Variants in PWP1 observed in about 807,000 individuals in gnomAD.
PWP1 encodes PWP1 homolog, endonuclein, also known as periodic tryptophan protein 1 homolog.
Under a neutral mutation model 69.9 loss-of-function variants are expected in PWP1, and 47 were observed. That is an observed-to-expected ratio of 0.67 (90% CI 0.53 to 0.86). PWP1 has a LOEUF of 0.86. Among genes scored for constraint, PWP1 ranks in the 40% least tolerant of loss-of-function variants. The pLI, the probability that PWP1 is intolerant of heterozygous loss-of-function variation, is 0.00. For synonymous variants in PWP1, 222 were observed against 208.2 expected, an observed-to-expected ratio of 1.07 and a Z score of -0.57; for missense variants, 551 against 608.8, an observed-to-expected ratio of 0.91 and a Z score of 1.00.
At chr12:107,699,333 G>A (rs1566079755) in intron 7 of PWP1, 40 bp from the exon 8 acceptor site, 1 of 1,429,852 alleles carries the variant, frequency 7.0e-7, no homozygotes, top group Non-Finnish European at 9.8e-7. Context: ...TATTATGAGG[G>A]GGACTTTAAT....
At position 107,688,750 on chromosome 12, in the gene PWP1, T is replaced by C; in HGVS notation, c.267T>C (p.Asp89=). Residue 89 remains aspartate, a synonymous_variant, in exon 3 of 15, where the codon GAT becomes GAC. Coordinates refer to ENST00000412830, the MANE Select transcript of PWP1 (RefSeq NM_007062.3). ...CAGAGGATGACAGGACGCTTGATGA[T>C]GATGAGCTGGCTGAGTACGACTTAG... The part of the protein sequence containing the change: ...GDPEDDRTLD[D]DELAEYDLDK... 3 of 1,614,172 alleles carry C rather than the reference T, an allele frequency of 1.9e-6. No individual in the cohort carries two copies. Among genetic ancestry groups the C allele is most frequent in the Non-Finnish European group, 2.5e-6 (3 of 1,180,026 alleles).
chr12:107,711,500 C>G (rs1889951730), intron 14 of PWP1, among the ~76,000 whole-genome samples: 1 of 152,164 alleles, frequency 6.6e-6, no homozygotes, highest in Admixed American at 6.5e-5. Flanking sequence ...CCCTCTCCCC[C>G]ACAGTTACCA....
In PWP1 at chr12:107,712,290, C is replaced by A. The variant is rs969221432; in HGVS notation, c.*70C>A. On this transcript the variant is annotated 3_prime_UTR_variant, in exon 15 of 15. Transcript: ENST00000412830. ...AAAGTTGGCCTAAAAATGTTCCATG[C>A]GTGGCAGCAACCATGCAGAGTGACT... 4.3e-6 allele frequency: 5 copies of A among 1,173,054 alleles called. No individual in the cohort carries two copies. The highest frequency in any genetic ancestry group is 1.5e-5 in the African/African-American group (1 of 65,906). The allele number at this position is 1,173,054 out of a possible 1,614,324, so 72.7% of individuals were successfully genotyped here. A position where few individuals can be genotyped will look rare whatever the true frequency, so the allele number is the denominator to read the frequency against.
intron 8 of PWP1, among the ~76,000 whole-genome samples, chr12:107,701,807 A>G (rs1368602349): frequency 6.6e-6 from 1 of 152,128 alleles, no homozygotes; most frequent in Non-Finnish European, 1.5e-5. Flanking sequence ...CCTCCTGAGT[A>G]GCTGGGATTA....
intron 11 of PWP1, among the ~76,000 whole-genome samples, chr12:107,707,306 T>C (rs1046564232): frequency 3.3e-5 from 5 of 152,134 alleles, no homozygotes; most frequent in African/African-American, 9.7e-5. Flanking sequence ...GCTGAGACAA[T>C]GGGGTTTTCT....
chr12:107,702,994 G>C lies in PWP1; in HGVS notation c.866G>C (p.Gly289Ala), dbSNP rs138384840. ...GTAATTCTGTGGGATATGTCCTTGG[G>C]GAAACCAGCAGCTAGCCTCGCTGTA... ...NTVILWDMSLGKPAASLAVHT... is the reference protein window; with the variant it reads ...NTVILWDMSLAKPAASLAVHT... Residue 289 changes from glycine to alanine, a missense_variant, in exon 9 of 15, where the codon GGG becomes GCG. By Grantham distance (60) the Gly-to-Ala change is moderately conservative. Coordinates refer to ENST00000412830, the MANE Select transcript of PWP1 (RefSeq NM_007062.3). The C allele has an allele frequency of 6.2e-7, 1 of 1,611,530 alleles. No homozygotes were observed. The highest frequency in any genetic ancestry group is 1.3e-5 in the African/African-American group (1 of 74,830).
At chr12:107,696,291 C>A (rs1191617252) in intron 5 of PWP1, among the ~76,000 whole-genome samples, 183 bp from the exon 6 acceptor site, 1 of 152,042 alleles carries the variant, frequency 6.6e-6, no homozygotes, top group African/African-American at 2.4e-5. Flanking sequence ...CCTTGGCCTC[C>A]CAAAGTATTG....
intron 8 of PWP1, among the ~76,000 whole-genome samples, chr12:107,700,402 T>A (rs1889683403): frequency 6.6e-6 from 1 of 152,232 alleles, no homozygotes; most frequent in African/African-American, 2.4e-5. Context: ...TCCATGAATT[T>A]GACTAAGCAT....
At chr12:107,705,945 T>C (rs1206886920) in intron 11 of PWP1, among the ~76,000 whole-genome samples, 6 of 152,194 alleles carry the variant, frequency 3.9e-5, no homozygotes, top group Non-Finnish European at 7.4e-5. Context: ...AATGGTATTT[T>C]TAGTTCTAGA....
At chr12:107,704,564 C>A in intron 10 of PWP1, 72 bp from the exon 11 acceptor site, 2 of 1,009,596 alleles carry the variant, frequency 2.0e-6, no homozygotes, top group South Asian at 1.4e-5. Context: ...TATTTTATTA[C>A]TATTTCATTA....
chr12:107,696,394 A>G, intron 5 of PWP1, 80 bp from the exon 6 acceptor site: 2 of 1,557,176 alleles, frequency 1.3e-6, no homozygotes, highest in Non-Finnish European at 1.7e-6. Context: ...TACATTTAAT[A>G]GAATTTGTTT....
At chr12:107,690,611 T>C (rs1383867091) in intron 3 of PWP1, among the ~76,000 whole-genome samples, 1 of 152,090 alleles carries the variant, frequency 6.6e-6, no homozygotes, top group Non-Finnish European at 1.5e-5. Context: ...TACAGGCACA[T>C]GCCACCACGC....
At position 107,689,952 on chromosome 12, in the gene PWP1, C is replaced by T. The variant is rs73398379; in HGVS notation, c.319+1150C>T. Among the ~76,000 whole-genome samples, 1,043 of 152,230 alleles carry T rather than the reference C, an allele frequency of 6.9e-3. 13 individuals carry two copies. The highest frequency in any genetic ancestry group is 0.024 in the African/African-American group (982 of 41,544). ...TTTGTTTCTTTTGGAATGTGCTACC[C>T]TAGGTGGCACTAACTCCTAATCTTG... is the stretch of plus-strand genomic sequence containing the variant. On this transcript the variant is annotated intron_variant, in intron 3 of 14. Transcript: ENST00000412830.
chr12:107,688,396 A>G (rs1889414993), intron 1 of PWP1, 52 bp from the exon 2 acceptor site: 1 of 1,509,070 alleles, frequency 6.6e-7, no homozygotes, highest in Non-Finnish European at 9.0e-7. Context: ...TAATTCAAAT[A>G]ATTTGATGAT....
chr12:107,706,230 C>A (rs1307485518), intron 11 of PWP1, among the ~76,000 whole-genome samples: 1 of 152,194 alleles, frequency 6.6e-6, no homozygotes, highest in East Asian at 1.9e-4. Flanking sequence ...CCTTCGCCCA[C>A]TTTTTGATGG....
intron 7 of PWP1, among the ~76,000 whole-genome samples, chr12:107,698,361 G>A (rs1281240549): frequency 1.3e-5 from 2 of 150,560 alleles, no homozygotes; most frequent in South Asian, 2.1e-4. Context: ...TGTCTCAAGG[G>A]AAAAAAAAGA....
At chr12:107,692,487 TCA>T (rs947860662) in intron 3 of PWP1, among the ~76,000 whole-genome samples, 1 of 152,186 alleles carries the variant, frequency 6.6e-6, no homozygotes, top group African/African-American at 2.4e-5. Flanking sequence ...CCTCTCCGTA[TCA>T]CCTTCAATCA....
chr12:107,689,936 T>G (rs1033059292), intron 3 of PWP1, among the ~76,000 whole-genome samples: 3 of 152,178 alleles, frequency 2.0e-5, no homozygotes, highest in African/African-American at 7.2e-5. Flanking sequence ...CTTTGTTTCT[T>G]TTGGAATGTG....
chr12:107,711,916 T>TA (rs1330597412), intron 14 of PWP1, among the ~76,000 whole-genome samples, 195 bp from the exon 15 acceptor site: 1 of 152,172 alleles, frequency 6.6e-6, no homozygotes, highest in Non-Finnish European at 1.5e-5. Flanking sequence ...GCAAAGAAAG[T>TA]AAAGTACAAA....
Sources: allele counts gnomAD v4.1 joint callset (sites outside exome capture counted in the v4.1 genomes callset), GRCh38; gene constraint gnomAD v4.1.1; transcripts MANE v1.5; gene names NCBI Gene and HGNC (gene_info 2026-07-23, HGNC 2026-07-21).